The following TTLL5 variants were observed in gnomAD, a reference collection of about 807,000 sequenced individuals.
The protein encoded by TTLL5 is tubulin polyglutamylase TTLL5.
A neutral mutation model predicts 168.4 loss-of-function variants in TTLL5; 132 were observed. The ratio of observed to expected loss-of-function variants is 0.78; its 90% CI spans 0.68 to 0.91. The LOEUF is 0.91. Among genes scored for constraint, TTLL5 ranks in the 40% least tolerant of loss-of-function variants. The pLI is 0.00. For synonymous variants in TTLL5, 546 were observed against 558.6 expected, an observed-to-expected ratio of 0.98 and a Z score of 0.32; for missense variants, 1,545 against 1,581.5, an observed-to-expected ratio of 0.98 and a Z score of 0.39.
intron 31 of TTLL5, among the ~76,000 whole-genome samples, chr14:75,935,898 T>A (rs2034420633): frequency 6.6e-6 from 1 of 152,238 alleles, no homozygotes; most frequent in African/African-American, 2.4e-5. Context: ...TGTATTTTTT[T>A]TTTAATCATG....
At chr14:75,791,605 A>G (rs1892733669) in intron 26 of TTLL5, among the ~76,000 whole-genome samples, 1 of 152,186 alleles carries the variant, frequency 6.6e-6, no homozygotes, top group African/African-American at 2.4e-5. Context: ...GAACAACCAC[A>G]TAGGTTAGTA....
At chr14:75,877,403 T>C (rs1270008642) in intron 29 of TTLL5, among the ~76,000 whole-genome samples, 1 of 152,202 alleles carries the variant, frequency 6.6e-6, no homozygotes, top group Non-Finnish European at 1.5e-5. Context: ...ATCAGAAATT[T>C]TTCCTTCCCA....
chr14:75,683,474 TTTCTGCC>T (rs1884786537), intron 4 of TTLL5, 69 bp from the exon 5 acceptor site: 40 of 1,225,440 alleles, frequency 3.3e-5, no homozygotes, highest in Middle Eastern at 1.9e-4. Flanking sequence ...ACTGTGGCTT[TTTCTGCC>T]ATTGCTTTTC....
chr14:75,771,255 C>T (rs571191614), intron 20 of TTLL5, among the ~76,000 whole-genome samples: 1 of 152,040 alleles, frequency 6.6e-6, no homozygotes, highest in Admixed American at 6.6e-5. Flanking sequence ...GGTGAAACCC[C>T]GTCTCTACTA....
At chr14:75,756,368 A>G (rs900218304) in intron 18 of TTLL5, among the ~76,000 whole-genome samples, 4 of 152,224 alleles carry the variant, frequency 2.6e-5, no homozygotes, top group Non-Finnish European at 4.4e-5. Context: ...ATGGGTAGTT[A>G]TAAAAGGGCA....
In TTLL5 at chr14:75,732,342, CT is replaced by C; in HGVS notation, c.1048del (p.Tyr350MetfsTer7). The C allele has an allele frequency of 6.2e-7, 1 of 1,613,514 alleles. No homozygotes were observed. The highest frequency in any genetic ancestry group is 8.5e-7 in the Non-Finnish European group (1 of 1,179,708). On this transcript the variant is annotated frameshift_variant, in exon 13 of 32. Coordinates refer to ENST00000298832, the MANE Select transcript of TTLL5 (RefSeq NM_015072.5). LOFTEE classifies it high-confidence loss of function. ...VPHRSSCFELYGFDVLIDSTL... is the reference protein window; with the variant it reads ...VPHRSSCFELXGFDVLIDSTL... ...TGTGTTGTGTTGTATTTCTAGAACT[CT>C]ATGGCTTTGACGTGCTCATAGATTC...
intron 31 of TTLL5, among the ~76,000 whole-genome samples, chr14:75,917,994 G>A (rs544373622): frequency 3.3e-5 from 5 of 152,286 alleles, no homozygotes; most frequent in Middle Eastern, 6.8e-3. Context: ...ACATAACTGA[G>A]GAGCCAGGCT....
chr14:75,756,314 A>G (rs1378560519), intron 18 of TTLL5, among the ~76,000 whole-genome samples: 2 of 152,128 alleles, frequency 1.3e-5, no homozygotes, highest in Non-Finnish European at 2.9e-5. Flanking sequence ...TGAAGTGACA[A>G]TTTTAGAATG....
chr14:75,897,988 TGTGTA>T (rs1490979843), intron 30 of TTLL5, among the ~76,000 whole-genome samples: 2 of 152,220 alleles, frequency 1.3e-5, no homozygotes, highest in African/African-American at 4.8e-5. Context: ...CTCTAACTTT[TGTGTA>T]GTGTAAAGTT....
chr14:75,863,611 T>A, intron 28 of TTLL5, 56 bp from the exon 29 acceptor site: 1 of 1,494,376 alleles, frequency 6.7e-7, no homozygotes. Context: ...TCTCCTTTCC[T>A]CTAGATTGTT....
intron 3 of TTLL5, among the ~76,000 whole-genome samples, chr14:75,674,330 C>A (rs146099701): frequency 1.3e-5 from 2 of 152,284 alleles, no homozygotes; most frequent in Admixed American, 1.3e-4. Flanking sequence ...TAAATACTCT[C>A]AATCTGCAAC....
At chr14:75,914,710 G>A (rs566867427) in intron 31 of TTLL5, among the ~76,000 whole-genome samples, 1 of 143,068 alleles carries the variant, frequency 7.0e-6, no homozygotes, top group Admixed American at 7.4e-5. Flanking sequence ...TGCAAGCTCC[G>A]CCTCCCAGGT....
At chr14:75,727,289 A>G (rs1888242760) in intron 12 of TTLL5, among the ~76,000 whole-genome samples, 1 of 152,216 alleles carries the variant, frequency 6.6e-6, no homozygotes, top group Non-Finnish European at 1.5e-5. Flanking sequence ...AAACAATCCA[A>G]ATGTCCATCA....
chr14:75,868,712 T>C (rs1595176325), intron 29 of TTLL5, among the ~76,000 whole-genome samples: 1 of 152,314 alleles, frequency 6.6e-6, no homozygotes, highest in Middle Eastern at 3.4e-3. Flanking sequence ...CATGTCTTGT[T>C]ATTTTGCTCC....
intron 20 of TTLL5, among the ~76,000 whole-genome samples, chr14:75,770,094 C>T (rs1048935135): frequency 1.4e-5 from 2 of 140,362 alleles, no homozygotes; most frequent in East Asian, 2.2e-4. Context: ...AGGAGAATCG[C>T]TTGAACCTGG....
intron 28 of TTLL5, among the ~76,000 whole-genome samples, chr14:75,853,782 G>A (rs978805383): frequency 7.9e-5 from 12 of 152,148 alleles, no homozygotes; most frequent in African/African-American, 2.4e-4. Context: ...AGTGGCTTAC[G>A]CCTGTAATCC....
intron 2 of TTLL5, among the ~76,000 whole-genome samples, chr14:75,664,572 A>G (rs1883115140): frequency 6.6e-6 from 1 of 152,238 alleles, no homozygotes; most frequent in African/African-American, 2.4e-5. Flanking sequence ...GGCTTCTTGT[A>G]AGATACAAGA....
chr14:75,947,897 G>A (rs991821314), intron 31 of TTLL5, among the ~76,000 whole-genome samples: 13 of 149,896 alleles, frequency 8.7e-5, no homozygotes, highest in Non-Finnish European at 1.8e-4. Flanking sequence ...CTGTGTTCAT[G>A]CCACTGCACT....
At chr14:75,851,240 A>G (rs1896838313) in intron 28 of TTLL5, among the ~76,000 whole-genome samples, 1 of 152,196 alleles carries the variant, frequency 6.6e-6, no homozygotes, top group Admixed American at 6.5e-5. Context: ...GTGCAAGGGA[A>G]ATACACACAG....
Sources: gnomAD v4.1 joint callset for allele counts (sites outside exome capture counted in the v4.1 genomes callset) on GRCh38, gnomAD v4.1.1 for gene constraint, MANE v1.5 for transcripts, NCBI Gene and HGNC (gene_info 2026-07-23, HGNC 2026-07-21) for gene names.